CDH18: variants seen among roughly 807,000 people sequenced by gnomAD.
The protein encoded by CDH18 is cadherin-18.
In CDH18, 31 loss-of-function variants were observed where a neutral mutation model predicts 67.9. The ratio of observed to expected loss-of-function variants is 0.46; its 90% CI spans 0.34 to 0.62. The LOEUF is 0.62. CDH18 is among the 20% of genes least tolerant of loss of function. The pLI is 0.01. For synonymous variants in CDH18, 362 were observed against 347.2 expected (o/e 1.04, Z -0.48); for missense variants, 890 against 975.5 (o/e 0.91, Z 1.17).
At chr5:20,042,357 A>T (rs970935216) in intron 2 of CDH18, among the ~76,000 whole-genome samples, 1 of 152,218 alleles carries the variant, frequency 6.6e-6, no homozygotes, top group African/African-American at 2.4e-5. Flanking sequence ...TAACAATTCT[A>T]TGTAAATAAT....
At position 20,114,100 on chromosome 5, in the gene CDH18, G is replaced by A. The variant is rs77808020; in HGVS notation, c.-517-122086C>T. ...TGATGTATATGTCTATAAGCGGGACGCTCCTCACTCAAGGTTACCCAGATA... is the reference window on the plus strand; with the variant it reads ...TGATGTATATGTCTATAAGCGGGACACTCCTCACTCAAGGTTACCCAGATA... On this transcript the variant is annotated intron_variant, in intron 2 of 14. Coordinates refer to the CDH18 transcript ENST00000507958. Among the ~76,000 whole-genome samples, 113 of 152,240 alleles carry A rather than the reference G, an allele frequency of 7.4e-4. 1 individual carries two copies. In the East Asian group the frequency reaches 0.016, roughly 21 times the overall value.
chr5:20,398,474 C>T (rs971304240), intron 1 of CDH18, among the ~76,000 whole-genome samples: 6 of 152,102 alleles, frequency 3.9e-5, no homozygotes, highest in African/African-American at 9.7e-5. Context: ...GAGCAGAGAA[C>T]ATAACCAAGG....
chr5:20,262,257 G>A (rs1031821641), intron 1 of CDH18, among the ~76,000 whole-genome samples: 1 of 152,184 alleles, frequency 6.6e-6, no homozygotes, highest in African/African-American at 2.4e-5. Flanking sequence ...ATTAGCTAAT[G>A]AGATGTGCTA....
chr5:20,061,265 A>G (rs1232265832), intron 2 of CDH18, among the ~76,000 whole-genome samples: 1 of 151,456 alleles, frequency 6.6e-6, no homozygotes, highest in Non-Finnish European at 1.5e-5. Flanking sequence ...TAAGAACTCC[A>G]CAAAAATTAT....
intron 3 of CDH18, among the ~76,000 whole-genome samples, chr5:19,758,611 T>C (rs1771935190): frequency 1.3e-5 from 2 of 152,164 alleles, no homozygotes; most frequent in Non-Finnish European, 2.9e-5. Flanking sequence ...AGTAACACAC[T>C]AAACGAGGAA....
chr5:19,709,608 A>G (rs1376036957), intron 5 of CDH18, among the ~76,000 whole-genome samples: 1 of 151,460 alleles, frequency 6.6e-6, no homozygotes, highest in Non-Finnish European at 1.5e-5. Context: ...GGAAGGAAGG[A>G]AGACAGAATG....
chr5:20,357,063 T>A (rs933476277), intron 1 of CDH18, among the ~76,000 whole-genome samples: 5 of 151,102 alleles, frequency 3.3e-5, no homozygotes, highest in African/African-American at 1.2e-4. Flanking sequence ...GTAGTGTTAG[T>A]GTAACATGTT....
intron 6 of CDH18, among the ~76,000 whole-genome samples, chr5:19,599,577 CT>C (rs200474553): frequency 0.03 from 4,491 of 152,196 alleles, 111 homozygotes; most frequent in Middle Eastern, 0.048. Context: ...GATATTTCAT[CT>C]GATTTGTGTA....
chr5:19,896,298 G>A (rs556764021), intron 2 of CDH18, among the ~76,000 whole-genome samples: 123 of 152,108 alleles, frequency 8.1e-4, no homozygotes, highest in African/African-American at 2.7e-3. Flanking sequence ...GCAGTGAGTC[G>A]AGAACACATC....
chr5:20,530,919 G>T (rs1756363028), intron 1 of CDH18, among the ~76,000 whole-genome samples: 1 of 151,998 alleles, frequency 6.6e-6, no homozygotes, highest in Admixed American at 6.6e-5. Flanking sequence ...CTTCTGCACA[G>T]CAAAAGAAAC....
At chr5:19,691,126 T>C (rs1023729105) in intron 5 of CDH18, among the ~76,000 whole-genome samples, 1 of 151,548 alleles carries the variant, frequency 6.6e-6, no homozygotes, top group African/African-American at 2.4e-5. Flanking sequence ...GTTTAACATA[T>C]GCAAATCAAT....
At chr5:20,430,206 A>G (rs902696331) in intron 1 of CDH18, among the ~76,000 whole-genome samples, 1 of 152,204 alleles carries the variant, frequency 6.6e-6, no homozygotes, top group Admixed American at 6.6e-5. Flanking sequence ...AAAATTATTA[A>G]CAGCGTACTA....
At chr5:20,172,716 C>T (rs1002307134) in intron 2 of CDH18, among the ~76,000 whole-genome samples, 1 of 152,054 alleles carries the variant, frequency 6.6e-6, no homozygotes, top group African/African-American at 2.4e-5. Flanking sequence ...TGTCGGCAGG[C>T]ATGGTGGCTC....
intron 5 of CDH18, among the ~76,000 whole-genome samples, chr5:19,640,414 T>A (rs1342722832): frequency 4.6e-5 from 7 of 152,110 alleles, no homozygotes; most frequent in Non-Finnish European, 8.8e-5. Flanking sequence ...ATATTTTATG[T>A]AAGACTCAAG....
At chr5:20,400,083 G>A (rs1745630720) in intron 1 of CDH18, among the ~76,000 whole-genome samples, 1 of 152,040 alleles carries the variant, frequency 6.6e-6, no homozygotes, top group South Asian at 2.1e-4. Flanking sequence ...ACAAAACAGG[G>A]TATTGGTGGT....
intron 1 of CDH18, among the ~76,000 whole-genome samples, chr5:20,554,203 T>A (rs780282437): frequency 6.6e-6 from 1 of 152,192 alleles, no homozygotes; most frequent in Non-Finnish European, 1.5e-5. Context: ...CTACTCAGTT[T>A]GGTTGTTGAA....
intron 1 of CDH18, among the ~76,000 whole-genome samples, chr5:20,533,646 G>T (rs115663409): frequency 6.6e-6 from 1 of 151,992 alleles, no homozygotes; most frequent in Non-Finnish European, 1.5e-5. Flanking sequence ...TGAATTATCA[G>T]CACTATTTGC....
At chr5:20,024,440 G>A (rs1444264981) in intron 2 of CDH18, among the ~76,000 whole-genome samples, 2 of 152,126 alleles carry the variant, frequency 1.3e-5, no homozygotes, top group African/African-American at 4.8e-5. Context: ...CTTCAGAAAG[G>A]AAGAGGTGAG....
intron 12 of CDH18, among the ~76,000 whole-genome samples, chr5:19,474,202 T>C (rs112276979): frequency 1.3e-5 from 2 of 152,152 alleles, no homozygotes; most frequent in African/African-American, 4.8e-5. Context: ...TAAATTTTGA[T>C]GCTTTGTAGA....
Sources: gnomAD v4.1 joint callset for allele counts (sites outside exome capture counted in the v4.1 genomes callset) on GRCh38, gnomAD v4.1.1 for gene constraint, MANE v1.5 for transcripts, NCBI Gene and HGNC (gene_info 2026-07-23, HGNC 2026-07-21) for gene names.